The following ELAC1 variants were observed in gnomAD, a reference collection of about 807,000 sequenced individuals.
ELAC1 encodes the protein elaC ribonuclease Z 1, also known as zinc phosphodiesterase ELAC protein 1.
Under a neutral mutation model 25.8 loss-of-function variants are expected in ELAC1, and 19 were observed. That is an observed-to-expected ratio of 0.74 (90% CI 0.51 to 1.08). The LOEUF is 1.08. Ranked by LOEUF, ELAC1 falls within the 50% of genes least tolerant of loss-of-function variation. The pLI is 0.00. For synonymous variants in ELAC1, 148 were observed against 160.9 expected (o/e 0.92, Z 0.61); for missense variants, 403 against 434.6 (o/e 0.93, Z 0.65).
intron 2 of ELAC1, among the ~76,000 whole-genome samples, chr18:50,978,024 C>T (rs796179384): frequency 5.9e-5 from 9 of 152,278 alleles, no homozygotes; most frequent in African/African-American, 2.2e-4. Flanking sequence ...CCAATAAGTT[C>T]CTCATCTCCA....
At position 50,971,967 on chromosome 18, in the gene ELAC1, CA is replaced by C. The variant is rs56071130; in HGVS notation, c.-8-2428del. ...ATCCTTTGCCTGTTTTTCTGTTGCA[CA>C]AGTATTTTTGTATTTTGAATGCATT... is the stretch of plus-strand genomic sequence containing the variant. On this transcript the variant is annotated intron_variant, in intron 1 of 3. Coordinates refer to ENST00000269466, the MANE Select transcript of ELAC1 (RefSeq NM_018696.3). Among the ~76,000 whole-genome samples, 830 of 135,230 alleles carry C rather than the reference CA, an allele frequency of 6.1e-3. 7 individuals are homozygous for C. Among genetic ancestry groups the C allele is most frequent in the Admixed American group, 0.011 (147 of 13,292 alleles). 88.7% of individuals were successfully genotyped at this position (135,230 alleles called of 152,430 possible). A position where few individuals can be genotyped will look rare whatever the true frequency, so the allele number is the denominator to read the frequency against.
chr18:50,986,961 T>G lies in ELAC1; in HGVS notation c.968T>G (p.Leu323Trp), dbSNP rs989889586. 1 of 1,614,038 alleles carries G rather than the reference T, an allele frequency of 6.2e-7. No individual in the cohort carries two copies. Residue 323 changes from leucine (L) to tryptophan (W), a missense_variant, in exon 4 of 4, where the codon TTG becomes TGG. Coordinates refer to ENST00000269466, the MANE Select transcript of ELAC1 (RefSeq NM_018696.3). ...HFSQRYKPVA[L>W]AREGETDGIA... The stretch of plus-strand genomic sequence containing the variant: ...AGTCAGAGGTACAAACCAGTTGCCT[T>G]GGCCAGAGAAGGAGAAACAGATGGC...
At chr18:50,977,052 C>G (rs960707534) in intron 2 of ELAC1, among the ~76,000 whole-genome samples, 1 of 152,214 alleles carries the variant, frequency 6.6e-6, no homozygotes. Context: ...TTGGGCAGCT[C>G]TACTCCTGTG....
intron 1 of ELAC1, among the ~76,000 whole-genome samples, chr18:50,971,532 C>G (rs1424210503): frequency 6.6e-6 from 1 of 152,034 alleles, no homozygotes; most frequent in Non-Finnish European, 1.5e-5. Context: ...GGACTATAAG[C>G]ACATGCCTCC....
intron 2 of ELAC1, among the ~76,000 whole-genome samples, chr18:50,981,399 T>C (rs973689803): frequency 6.6e-6 from 1 of 152,098 alleles, no homozygotes; most frequent in Non-Finnish European, 1.5e-5. Context: ...CTTTTTTTTT[T>C]CAACTGAGCA....
chr18:50,979,838 T>C (rs572474566), intron 2 of ELAC1, among the ~76,000 whole-genome samples: 171 of 152,268 alleles, frequency 1.1e-3, no homozygotes, highest in Admixed American at 1.7e-3. Flanking sequence ...GTGATTCTTA[T>C]GCCTCAGCCT....
rs1417890670 is a variant in ELAC1 at position 50,987,792 on chromosome 18, G to A, written c.*707G>A. On this transcript the variant is annotated 3_prime_UTR_variant, in exon 4 of 4. Coordinates refer to ENST00000269466, the MANE Select transcript of ELAC1 (RefSeq NM_018696.3). Reference sequence around the variant, plus strand: ...TAGTCAGCAGGGATAAGGGATGTTAGCTGTCCTGCAAAGTTTTGGTCAGTC... The same window carrying A: ...TAGTCAGCAGGGATAAGGGATGTTAACTGTCCTGCAAAGTTTTGGTCAGTC... The A allele has an allele frequency of 2.0e-5, 3 of 152,162 alleles. No homozygotes were observed. The highest frequency in any genetic ancestry group is 4.8e-5 in the African/African-American group (2 of 41,426). The allele number at this position is 152,162 out of a possible 1,614,324, so 9.4% of individuals were successfully genotyped here. A position where few individuals can be genotyped will look rare whatever the true frequency, so the allele number is the denominator to read the frequency against.
intron 2 of ELAC1, among the ~76,000 whole-genome samples, chr18:50,980,643 A>T (rs1907919911): frequency 6.6e-6 from 1 of 151,744 alleles, no homozygotes; most frequent in South Asian, 2.1e-4. Context: ...GGTGCCTGTA[A>T]ACCCAGCTAC....
chr18:50,984,324 A>G lies in ELAC1; in HGVS notation c.386A>G (p.Gln129Arg). 6.2e-7 allele frequency: 1 copy of G among 1,614,218 alleles called. No homozygotes were observed. The highest frequency in any genetic ancestry group is 1.3e-5 in the African/African-American group (1 of 75,056). ...VVHELVPTAD[Q>R]CPAEELKEFA... is the part of the protein sequence containing the mutation. ...CATGAACTGGTTCCTACAGCAGATCAATGTCCTGCAGAAGAACTAAAAGAA... is the reference window on the plus strand; with the variant it reads ...CATGAACTGGTTCCTACAGCAGATCGATGTCCTGCAGAAGAACTAAAAGAA... The change falls in exon 3 of 4, where the codon CAA (glutamine) becomes CGA (arginine). Residue 129 changes from glutamine (Q) to arginine (R), a missense_variant. Transcript: ENST00000269466.
rs1197869158 is a variant in ELAC1, at chr18:50,987,317, A to G, written c.*232A>G. Reference sequence around the variant, plus strand: ...TCCTTTTTGAAGTCCAGATTTGTCAAAATGATAGACTATTCAGTTATACAT... The same window carrying G: ...TCCTTTTTGAAGTCCAGATTTGTCAGAATGATAGACTATTCAGTTATACAT... On this transcript the variant is annotated 3_prime_UTR_variant, in exon 4 of 4. Coordinates refer to ENST00000269466, the MANE Select transcript of ELAC1 (RefSeq NM_018696.3). 5 of 391,382 alleles carry G rather than the reference A, an allele frequency of 1.3e-5. No homozygotes were observed. Among genetic ancestry groups the G allele is most frequent in the African/African-American group, 2.0e-5 (1 of 48,796 alleles). 24.2% of individuals were successfully genotyped at this position (391,382 alleles called of 1,614,324 possible).
intron 1 of ELAC1, chr18:50,969,444 T>C (rs1380345088): frequency 1.3e-5 from 2 of 152,258 alleles, no homozygotes; most frequent in Admixed American, 1.3e-4. Flanking sequence ...CATTGTATCA[T>C]ACCAGGAGTT....
chr18:50,976,192 G>A (rs1907792944), intron 2 of ELAC1, among the ~76,000 whole-genome samples: 1 of 152,158 alleles, frequency 6.6e-6, no homozygotes, highest in Non-Finnish European at 1.5e-5. Context: ...TCTCGTTTGT[G>A]TTTTAGGACA....
At chr18:50,984,882 A>G (rs529665996) in intron 3 of ELAC1, 1 of 442,522 alleles carries the variant, frequency 2.3e-6, no homozygotes, top group African/African-American at 2.0e-5. Flanking sequence ...CAGTAAGCCA[A>G]GATAGTGTTA....
chr18:50,975,562 A>T lies in ELAC1; in HGVS notation c.157+1001A>T, dbSNP rs117314102. ...CTGTTCAACTAGGCATCTACTAAGT[A>T]TATAAATGATCATGGAACTTACTTT... On this transcript the variant is annotated intron_variant, in intron 2 of 3. Transcript: ENST00000269466. Among the ~76,000 whole-genome samples, 598 of 151,574 alleles carry T rather than the reference A, an allele frequency of 3.9e-3. 1 individual carries two copies. The highest frequency in any genetic ancestry group is 6.4e-3 in the Non-Finnish European group (432 of 67,696).
chr18:50,974,388 C>T lies in ELAC1; in HGVS notation c.-8-9C>T. On this transcript the variant is annotated splice_polypyrimidine_tract_variant and intron_variant, in intron 1 of 3. Coordinates refer to ENST00000269466, the MANE Select transcript of ELAC1 (RefSeq NM_018696.3). ...ATGAAATAATCCCCAGATGATCTTT[C>T]TGTTGCAGGGTGGAAGATGTCTATG... 1 of 1,510,046 alleles carries T rather than the reference C, an allele frequency of 6.6e-7. No individual in the cohort carries two copies. Among genetic ancestry groups the T allele is most frequent in the East Asian group, 2.3e-5 (1 of 42,716 alleles). 93.5% of individuals were successfully genotyped at this position (1,510,046 alleles called of 1,614,324 possible).
intron 2 of ELAC1, among the ~76,000 whole-genome samples, chr18:50,983,742 T>C (rs943873144): frequency 1.4e-5 from 2 of 147,754 alleles, no homozygotes; most frequent in African/African-American, 5.0e-5. Flanking sequence ...TAGTCCTAGC[T>C]ACTTGGGAGG....
chr18:50,982,368 G>A (rs2144320895), intron 2 of ELAC1, among the ~76,000 whole-genome samples: 1 of 152,300 alleles, frequency 6.6e-6, no homozygotes, highest in East Asian at 1.9e-4. Context: ...CTTGGATGTA[G>A]TAATTCTGGA....
At position 50,984,564 on chromosome 18, in the gene ELAC1, G is replaced by C. The variant is rs917988775; in HGVS notation, c.625+1G>C. The C allele has an allele frequency of 6.2e-7, 1 of 1,605,024 alleles. No individual in the cohort carries two copies. The highest frequency in any genetic ancestry group is 8.5e-7 in the Non-Finnish European group (1 of 1,176,036). On this transcript the variant is annotated splice_donor_variant, in intron 3 of 3. Transcript: ENST00000269466. LOFTEE classifies it high-confidence loss of function. ...AATGCACAGAAACTTAAAGACCTTG[G>C]TAAGTGTTTTTTTGTTTTTTGTTTT...
chr18:50,984,002 T>C (rs545274074), intron 2 of ELAC1, 94 bp from the exon 3 acceptor site: 13 of 709,510 alleles, frequency 1.8e-5, no homozygotes, highest in Non-Finnish European at 2.4e-5. Flanking sequence ...TTTACTATTT[T>C]TAATGTAAAT....
Sources: gnomAD v4.1 joint callset for allele counts (sites outside exome capture counted in the v4.1 genomes callset) on GRCh38, gnomAD v4.1.1 for gene constraint, MANE v1.5 for transcripts, NCBI Gene and HGNC (gene_info 2026-07-23, HGNC 2026-07-21) for gene names.